The following JAG2 variants were observed in gnomAD, a reference collection of about 807,000 sequenced individuals.
JAG2 encodes the protein protein jagged-2.
In JAG2, 46 loss-of-function variants were observed where a neutral mutation model predicts 141.7. That is an observed-to-expected ratio of 0.32 (90% CI 0.26 to 0.42). The LOEUF (loss-of-function observed/expected upper bound fraction) is 0.42, where lower values mean the gene tolerates loss of function less well. JAG2 is among the 10% of genes least tolerant of loss of function. The pLI is 1.00. For missense variants in JAG2, 1,500 were observed against 1,817.5 expected (o/e 0.83, Z 3.18); for synonymous variants, 862 against 763.5 (o/e 1.13, Z -2.13).
chr14:105,150,122 G>T (rs1234823743), intron 12 of JAG2, among the ~76,000 whole-genome samples: 1 of 136,586 alleles, frequency 7.3e-6, no homozygotes. Context: ...GGAGGCAGGG[G>T]GGAAGGGGAG....
At chr14:105,166,997 G>A (rs1888932456) in intron 2 of JAG2, among the ~76,000 whole-genome samples, 1 of 152,148 alleles carries the variant, frequency 6.6e-6, no homozygotes, top group African/African-American at 2.4e-5. Flanking sequence ...CCAGCCCACT[G>A]GGATGAGTAC....
intron 2 of JAG2, among the ~76,000 whole-genome samples, chr14:105,166,858 C>T (rs1296640463): frequency 6.6e-6 from 1 of 152,220 alleles, no homozygotes; most frequent in Non-Finnish European, 1.5e-5. Context: ...CCCGCACTCA[C>T]CCAGTTCCAG....
At position 105,167,634 on chromosome 14, in the gene JAG2, C is replaced by CCGCCTGGG. The variant is rs1888959702; in HGVS notation, c.417+115_417+122dup. 1.8e-6 allele frequency: 2 copies of CCGCCTGGG among 1,142,752 alleles called. No homozygotes were observed. Among genetic ancestry groups the CCGCCTGGG allele is most frequent in the South Asian group, 3.9e-5 (1 of 25,346 alleles). 70.8% of individuals were successfully genotyped at this position (1,142,752 alleles called of 1,614,324 possible). A position where few individuals can be genotyped will look rare whatever the true frequency, so the allele number is the denominator to read the frequency against. On this transcript the variant is annotated intron_variant, in intron 2 of 25. Coordinates refer to ENST00000331782, the MANE Select transcript of JAG2 (RefSeq NM_002226.5). The surrounding 1 kb of genome is among the most constrained non-coding windows in gnomAD (Gnocchi z 4.8). ...GCACGCGCCCCCTGCCGGCCCCGCC[C>CCGCCTGGG]CGCCTGGGCGCGCGCGGCTCGCACG... is the stretch of plus-strand genomic sequence containing the variant.
chr14:105,148,076 C>A (rs1888285814), intron 17 of JAG2, 40 bp downstream of exon 17: 2 of 1,478,612 alleles, frequency 1.4e-6, no homozygotes, highest in Non-Finnish European at 1.8e-6. Flanking sequence ...CCTGGGAGGG[C>A]ATATGCCCGG....
Position 105,147,488 on chromosome 14 carries a change from G to C in JAG2, c.2393+12C>G. 3.7e-6 allele frequency: 6 copies of C among 1,611,690 alleles called. No individual in the cohort carries two copies. The highest frequency in any genetic ancestry group is 5.1e-6 in the Non-Finnish European group (6 of 1,178,922). On this transcript the variant is annotated intron_variant, in intron 19 of 25. Transcript: ENST00000331782. ...CACCCACCCCTGCTGTGGCCCCCAG[G>C]GTGCCACTCACCAAGGCAGAGGGTT...
chr14:105,151,139 G>A (rs779213958), intron 9 of JAG2, 35 bp from the exon 10 acceptor site: 36 of 1,574,128 alleles, frequency 2.3e-5, no homozygotes, highest in Non-Finnish European at 2.9e-5. Flanking sequence ...CGTGGGGCTC[G>A]GGCCCTGCCT....
intron 2 of JAG2, among the ~76,000 whole-genome samples, chr14:105,164,316 C>T (rs1040236785): frequency 6.6e-6 from 1 of 152,174 alleles, no homozygotes; most frequent in Non-Finnish European, 1.5e-5. Flanking sequence ...ACAAGGCGGA[C>T]ATGCCCTGAG....
chr14:105,142,659 G>T lies in JAG2; in HGVS notation c.*36C>A. ...TCCGGCAGACGGCATGGCTCCCACC[G>T]AGGGCCCTGGGTCCCGGCCCAGCTG... is the stretch of plus-strand genomic sequence containing the variant. On this transcript the variant is annotated 3_prime_UTR_variant, in exon 26 of 26. Transcript: ENST00000331782. The T allele has an allele frequency of 6.6e-7, 1 of 1,516,778 alleles. No homozygotes were observed. 94.0% of individuals were successfully genotyped at this position (1,516,778 alleles called of 1,614,324 possible). A position where few individuals can be genotyped will look rare whatever the true frequency, so the allele number is the denominator to read the frequency against.
chr14:105,146,802 G>A (rs1340805900), intron 20 of JAG2, 78 bp from the exon 21 acceptor site: 4 of 1,171,562 alleles, frequency 3.4e-6, no homozygotes, highest in South Asian at 1.3e-5. Flanking sequence ...GGGCAGCGGG[G>A]AGCCAGTGGC....
rs1000754513 is a variant in JAG2, at chr14:105,167,580, C to T, written c.417+177G>A. 2.7e-5 allele frequency among the ~76,000 whole-genome samples: 4 copies of T among 147,738 alleles called. No individual in the cohort carries two copies. The highest frequency in any genetic ancestry group is 2.7e-4 in the Admixed American group (4 of 14,882). On this transcript the variant is annotated intron_variant, in intron 2 of 25. Transcript: ENST00000331782. This position sits in a 1 kb window ranked among gnomAD's most constrained non-coding sequence, Gnocchi z 4.8. The stretch of plus-strand genomic sequence containing the variant: ...TGGCCCCGGGGCCCCGGCGCGCCCA[C>T]GTGGCCAGGCGCGGACCAAGTCCCC...
At chr14:105,162,639 A>G (rs1888783275) in intron 2 of JAG2, among the ~76,000 whole-genome samples, 2 of 143,682 alleles carry the variant, frequency 1.4e-5, no homozygotes, top group African/African-American at 2.9e-5. Context: ...GGCCCAGCAC[A>G]CCCCAAGGTC....
Position 105,147,757 on chromosome 14 carries a change from C to G in JAG2, c.2365+15G>C, listed in dbSNP as rs1466283829. 1.3e-6 allele frequency: 2 copies of G among 1,518,050 alleles called. No homozygotes were observed. The allele number at this position is 1,518,050 out of a possible 1,614,324, so 94.0% of individuals were successfully genotyped here. ...GGAGGAAAGCGGCCCCCGCCCACACCCCTCCCACACTCACTGTGAGTGCAA... is the reference window on the plus strand; with the variant it reads ...GGAGGAAAGCGGCCCCCGCCCACACGCCTCCCACACTCACTGTGAGTGCAA... On this transcript the variant is annotated intron_variant, in intron 18 of 25. Transcript: ENST00000331782.
intron 2 of JAG2, among the ~76,000 whole-genome samples, chr14:105,165,336 C>G (rs587733460): frequency 6.6e-6 from 1 of 152,376 alleles, no homozygotes; most frequent in African/African-American, 2.4e-5. Context: ...CTACAGAGCA[C>G]CCGGGGTGCG....
Position 105,147,819 on chromosome 14 carries a change from A to G in JAG2, c.2318T>C (p.Phe773Ser), listed in dbSNP as rs1888275025. Residue 773 changes from phenylalanine (F) to serine (S), a missense_variant, in exon 18 of 26, where the codon TTC becomes TCC. Physicochemically the swap from Phe to Ser is radical, Grantham distance 155 (BLOSUM62 -2). This residue lies in a region of JAG2 where 875 missense variants were observed against 1,202.2 expected (regional missense o/e 0.73). Coordinates refer to ENST00000331782, the MANE Select transcript of JAG2 (RefSeq NM_002226.5). Reference sequence around the variant, plus strand: ...CCAGCCGTCCCGGCAGATGCAGGAGAAGGAGGCCCCGCTGCCCACGCAGGT... The same window carrying G: ...CCAGCCGTCCCGGCAGATGCAGGAGGAGGAGGCCCCGCTGCCCACGCAGGT... The part of the protein sequence containing the change: ...GGTCVGSGAS[F>S]SCICRDGWEG... The G allele has an allele frequency of 2.6e-6, 4 of 1,550,056 alleles. No homozygotes were observed. Among genetic ancestry groups the G allele is most frequent in the Non-Finnish European group, 3.5e-6 (4 of 1,147,678 alleles).
At position 105,144,967 on chromosome 14, in the gene JAG2, C is replaced by A. The variant is rs749917276; in HGVS notation, c.3047G>T (p.Arg1016Leu). The A allele has an allele frequency of 5.6e-6, 9 of 1,605,528 alleles. No homozygotes were observed. The highest frequency in any genetic ancestry group is 7.6e-6 in the Non-Finnish European group (9 of 1,178,602). ...RDRLLVLLCD[R>L]ASSGASAVEV... is the part of the protein sequence containing the mutation. ...CACAGCACTGGCCCCCGAGGACGCC[C>A]GGTCGCAAAGCAACACCAGCAGGCG... The change falls in exon 24 of 26, where the codon CGG becomes CTG. Residue 1016 changes from arginine to leucine, a missense_variant. Arg to Leu is a moderately radical substitution (Grantham distance 102). Coordinates refer to ENST00000331782, the MANE Select transcript of JAG2 (RefSeq NM_002226.5).
At chr14:105,159,728 AGCTCCATCCACACCCCCCCAGG>A (rs1389577005) in intron 2 of JAG2, among the ~76,000 whole-genome samples, 1 of 23,990 alleles carries the variant, frequency 4.2e-5, no homozygotes, top group Non-Finnish European at 7.2e-5. Flanking sequence ...ACCCCCCCAG[AGCTCCATCCACACCCCCCCAGG>A]GCTCCATCCA....
At chr14:105,157,570 C>A in intron 3 of JAG2, 136 bp downstream of exon 3, 1 of 896,240 alleles carries the variant, frequency 1.1e-6, no homozygotes, top group Non-Finnish European at 1.8e-6. Context: ...TCCTGGCAGC[C>A]AAAGCAAAAA....
chr14:105,146,233 C>T (rs772788843), intron 22 of JAG2, 152 bp downstream of exon 22: 154 of 810,436 alleles, frequency 1.9e-4, no homozygotes, highest in Non-Finnish European at 2.7e-4. Context: ...AGCATGGGGC[C>T]TGGCTGAGCT....
At chr14:105,153,447 G>A (rs1285753250) in intron 5 of JAG2, among the ~76,000 whole-genome samples, 2 of 152,228 alleles carry the variant, frequency 1.3e-5, no homozygotes, top group African/African-American at 2.4e-5. Context: ...GCCAGAGAGC[G>A]GCCACAGCCG....
Sources: allele counts gnomAD v4.1 joint callset (sites outside exome capture counted in the v4.1 genomes callset), GRCh38; gene constraint gnomAD v4.1.1; regional missense constraint gnomAD v4.1.1; non-coding constraint Gnocchi (gnomAD v3.1); transcripts MANE v1.5; gene names NCBI Gene and HGNC (gene_info 2026-07-23, HGNC 2026-07-21).